The following NCKAP5 variants were observed in gnomAD, a reference collection of about 807,000 sequenced individuals.
NCKAP5 encodes the protein NCK associated protein 5.
A neutral mutation model predicts 167.0 loss-of-function variants in NCKAP5; 92 were observed. That is an observed-to-expected ratio of 0.55 (90% CI 0.47 to 0.66). NCKAP5 has a LOEUF of 0.66. Ranked by LOEUF, NCKAP5 falls within the 30% of genes least tolerant of loss-of-function variation. The pLI is 0.00. For missense variants in NCKAP5, 2,378 were observed against 2,315.0 expected, an observed-to-expected ratio of 1.03 and a Z score of -0.56; for synonymous variants, 891 against 877.4, an observed-to-expected ratio of 1.02 and a Z score of -0.27.
At chr2:133,304,522 C>T (rs1440702017) in intron 3 of NCKAP5, among the ~76,000 whole-genome samples, 2 of 152,214 alleles carry the variant, frequency 1.3e-5, no homozygotes, top group South Asian at 2.1e-4. Context: ...AGCTCTGCTA[C>T]TGCAGGAAGT....
intron 3 of NCKAP5, among the ~76,000 whole-genome samples, chr2:133,330,170 G>T (rs1258417999): frequency 7.2e-6 from 1 of 139,776 alleles, no homozygotes; most frequent in African/African-American, 2.6e-5. Context: ...AGGCTCAAGT[G>T]ATCCTTCCAG....
intron 10 of NCKAP5, among the ~76,000 whole-genome samples, 195 bp from the exon 11 acceptor site, chr2:132,860,806 A>G (rs1558868788): frequency 1.3e-5 from 2 of 152,106 alleles, no homozygotes; most frequent in Non-Finnish European, 2.9e-5. Flanking sequence ...AAGAAGACCA[A>G]TTTTTTTTAA....
At chr2:133,490,201 G>A (rs901592746) in intron 3 of NCKAP5, among the ~76,000 whole-genome samples, 4 of 152,250 alleles carry the variant, frequency 2.6e-5, no homozygotes, top group Non-Finnish European at 5.9e-5. Flanking sequence ...CTGGAATTGG[G>A]TACAGCCCAA....
intron 8 of NCKAP5, among the ~76,000 whole-genome samples, chr2:132,931,830 A>G (rs1366688030): frequency 6.6e-6 from 1 of 152,234 alleles, no homozygotes; most frequent in African/African-American, 2.4e-5. Context: ...ACACATGCAA[A>G]AAGAGTTGTG....
intron 4 of NCKAP5, among the ~76,000 whole-genome samples, chr2:133,245,896 G>A (rs5008502): frequency 0.011 from 632 of 59,900 alleles, 15 homozygotes; most frequent in East Asian, 0.02. Context: ...ATTTGATCAG[G>A]AAAAAAAAAA....
chr2:133,143,809 C>A (rs924222445), intron 5 of NCKAP5, among the ~76,000 whole-genome samples: 1 of 145,170 alleles, frequency 6.9e-6, no homozygotes, highest in Admixed American at 6.8e-5. Flanking sequence ...CTATTCCCAA[C>A]CAGATTTTTT....
chr2:133,171,954 T>C (rs897013634), intron 5 of NCKAP5, among the ~76,000 whole-genome samples: 16 of 152,212 alleles, frequency 1.1e-4, no homozygotes, highest in Admixed American at 6.5e-4. Flanking sequence ...AAGTTAATAA[T>C]GATAAAATGT....
chr2:133,097,961 C>A (rs1384976505), intron 6 of NCKAP5, among the ~76,000 whole-genome samples: 1 of 152,140 alleles, frequency 6.6e-6, no homozygotes, highest in Non-Finnish European at 1.5e-5. Context: ...GAAAAAGCTC[C>A]ATGATGGCAG....
At chr2:133,600,917 G>A in the NCKAP5 span, among the ~76,000 whole-genome samples, 12 of 152,352 alleles carry the variant, frequency 7.9e-5, no homozygotes, top group South Asian at 2.5e-3. Flanking sequence ...GCAGACTCCA[G>A]TCCCTACAGG....
chr2:133,242,259 C>T (rs2115866), intron 4 of NCKAP5, among the ~76,000 whole-genome samples: 30,811 of 138,166 alleles, frequency 0.22, 3,320 homozygotes, highest in African/African-American at 0.32. Context: ...CTTTTCTTTT[C>T]TTTTTTTTTT....
intron 3 of NCKAP5, chr2:133,391,000 G>A (rs1687360700): frequency 6.6e-6 from 1 of 152,178 alleles, no homozygotes; most frequent in South Asian, 2.1e-4. Flanking sequence ...GTTGGGCACT[G>A]GAATGCCTCA....
intron 6 of NCKAP5, among the ~76,000 whole-genome samples, chr2:133,107,378 T>TA (rs2081744040): frequency 6.6e-6 from 1 of 152,244 alleles, no homozygotes; most frequent in Non-Finnish European, 1.5e-5. Context: ...TAAGACTTAG[T>TA]AAAATTCACA....
chr2:133,546,467 A>G (rs1441296154), intron 2 of NCKAP5, among the ~76,000 whole-genome samples: 53 of 152,124 alleles, frequency 3.5e-4, no homozygotes, highest in Admixed American at 3.4e-3. Context: ...TGTATACTCC[A>G]CTTACCAGAT....
chr2:133,354,407 C>G (rs1684571149), intron 3 of NCKAP5, among the ~76,000 whole-genome samples: 2 of 152,124 alleles, frequency 1.3e-5, no homozygotes, highest in Admixed American at 1.3e-4. Flanking sequence ...AGGCATGCAC[C>G]ACCATGCCTG....
intron 11 of NCKAP5, among the ~76,000 whole-genome samples, chr2:132,822,531 C>T (rs1031611560): frequency 3.9e-5 from 6 of 152,144 alleles, no homozygotes; most frequent in Non-Finnish European, 7.4e-5. Context: ...GGGAGCACCC[C>T]GTGGGACAAG....
intron 19 of NCKAP5, among the ~76,000 whole-genome samples, chr2:132,680,582 G>T (rs1685093190): frequency 6.6e-6 from 1 of 152,062 alleles, no homozygotes; most frequent in Non-Finnish European, 1.5e-5. Flanking sequence ...GAAAGGAAAA[G>T]GATGCATTTT....
intron 4 of NCKAP5, among the ~76,000 whole-genome samples, chr2:133,228,326 AC>A (rs1212207245): frequency 6.6e-6 from 1 of 152,174 alleles, no homozygotes; most frequent in Non-Finnish European, 1.5e-5. Flanking sequence ...CAAAAAAATA[AC>A]CGGATCTCTT....
chr2:133,549,477 A>G (rs1455245144), intron 2 of NCKAP5, among the ~76,000 whole-genome samples: 1 of 142,636 alleles, frequency 7.0e-6, no homozygotes, highest in African/African-American at 2.6e-5. Flanking sequence ...AAACTGAACA[A>G]CCTGCTCCTG....
chr2:133,059,387 T>C (rs958142838), intron 6 of NCKAP5, among the ~76,000 whole-genome samples: 1 of 151,986 alleles, frequency 6.6e-6, no homozygotes, highest in East Asian at 1.9e-4. Flanking sequence ...AATTAAAGTA[T>C]GTATGGTGGG....
Sources: allele counts gnomAD v4.1 joint callset (sites outside exome capture counted in the v4.1 genomes callset), GRCh38; gene constraint gnomAD v4.1.1; transcripts MANE v1.5; gene names NCBI Gene and HGNC (gene_info 2026-07-23, HGNC 2026-07-21).